Variants in GRAMD1B observed in about 807,000 individuals in gnomAD.
The protein encoded by GRAMD1B is protein Aster-B.
A neutral mutation model predicts 99.7 loss-of-function variants in GRAMD1B; 37 were observed. The ratio of observed to expected loss-of-function variants is 0.37; its 90% CI spans 0.29 to 0.49. GRAMD1B has a LOEUF of 0.49. Among genes scored for constraint, GRAMD1B ranks in the 20% least tolerant of loss-of-function variants. The pLI is 0.98. For synonymous variants in GRAMD1B, 427 were observed against 387.6 expected (o/e 1.10, Z -1.19); for missense variants, 888 against 1,009.2 (o/e 0.88, Z 1.63).
intron 2 of GRAMD1B, among the ~76,000 whole-genome samples, chr11:123,548,388 C>CA (rs1945293942): frequency 6.9e-5 from 8 of 116,308 alleles, no homozygotes; most frequent in African/African-American, 2.8e-4. Context: ...ACACACACAC[C>CA]CAGACAGGAC....
chr11:123,504,298 C>G (rs1038945762), intron 2 of GRAMD1B, among the ~76,000 whole-genome samples: 11 of 152,224 alleles, frequency 7.2e-5, no homozygotes, highest in Non-Finnish European at 1.2e-4. Flanking sequence ...TCCACTTTGT[C>G]CAGCCCGCAA....
chr11:123,575,103 C>T (rs927400903), intron 2 of GRAMD1B, among the ~76,000 whole-genome samples: 2 of 151,930 alleles, frequency 1.3e-5, no homozygotes, highest in Admixed American at 6.6e-5. Flanking sequence ...GACTGCTGGG[C>T]GGTGAGGAGT....
intron 4 of GRAMD1B, among the ~76,000 whole-genome samples, chr11:123,586,156 C>T (rs1399161323): frequency 6.6e-6 from 1 of 152,162 alleles, no homozygotes; most frequent in Non-Finnish European, 1.5e-5. Flanking sequence ...CAGATGCTGT[C>T]TCTTGGCTGG....
chr11:123,441,186 G>A (rs1165322990), intron 1 of GRAMD1B, among the ~76,000 whole-genome samples: 2 of 152,152 alleles, frequency 1.3e-5, no homozygotes, highest in East Asian at 1.9e-4. Context: ...AGAAAGAGAG[G>A]TAGGGGTGTC....
At chr11:123,621,508 C>T (rs370260209) in intron 19 of GRAMD1B, among the ~76,000 whole-genome samples, 1 of 152,128 alleles carries the variant, frequency 6.6e-6, no homozygotes, top group Non-Finnish European at 1.5e-5. Flanking sequence ...AACCAAGCAA[C>T]GAAAGATGAC....
Position 123,587,927 on chromosome 11 carries a change from C to T in GRAMD1B, c.684+3595C>T, listed in dbSNP as rs1054153666. 2.0e-5 allele frequency among the ~76,000 whole-genome samples: 3 copies of T among 152,058 alleles called. No homozygotes were observed. Among genetic ancestry groups the T allele is most frequent in the Admixed American group, 6.5e-5 (1 of 15,268 alleles). ...GCTCCTCCTCCTCTGTCTGTCTCCC[C>T]TCTCTATTTACTCCCAACTTGAAGG... On this transcript the variant is annotated intron_variant, in intron 4 of 19. Coordinates refer to ENST00000635736, the MANE Select transcript of GRAMD1B (RefSeq NM_001387025.1). The surrounding 1 kb of genome is among the most constrained non-coding windows in gnomAD (Gnocchi z 4.2).
chr11:123,471,516 C>T lies in GRAMD1B; in HGVS notation c.375-9300C>T, dbSNP rs896802163. 3.3e-5 allele frequency among the ~76,000 whole-genome samples: 5 copies of T among 152,246 alleles called. No homozygotes were observed. The East Asian group carries it at 5.8e-4, about 18-fold the overall frequency. On this transcript the variant is annotated intron_variant, in intron 1 of 19. Transcript: ENST00000635736. The stretch of plus-strand genomic sequence containing the variant: ...AAAAAGAAGTGAAAGTAGGACAAAA[C>T]GCAAGAAACAGGGGAGAGTAATGCC...
Position 123,619,153 on chromosome 11 carries a change from C to A in GRAMD1B, c.2473C>A (p.Gln825Lys). 2 of 1,571,068 alleles carry A rather than the reference C, an allele frequency of 1.3e-6. No homozygotes were observed. The highest frequency in any genetic ancestry group is 1.9e-5 in the Admixed American group (1 of 53,616). ...TEWAQLLESQ[Q>K]KYHDTELQKW... is the part of the protein sequence containing the mutation. ...ATGGGCCCAGCTCTTAGAGTCCCAACAAAAGTACCACGATACTGAGCTCCA... is the reference window on the plus strand; with the variant it reads ...ATGGGCCCAGCTCTTAGAGTCCCAAAAAAAGTACCACGATACTGAGCTCCA... Residue 825 changes from glutamine (Q) to lysine (K), a missense_variant, in exon 19 of 20, where the codon CAA becomes AAA. By Grantham distance (53) the Gln-to-Lys change is moderately conservative. Transcript: ENST00000635736.
chr11:123,388,508 A>G (rs1680366758), intron 1 of GRAMD1B, among the ~76,000 whole-genome samples: 1 of 152,040 alleles, frequency 6.6e-6, no homozygotes, highest in South Asian at 2.1e-4. Flanking sequence ...CCCCGTCTCT[A>G]CAAAAAAGCA....
intron 1 of GRAMD1B, among the ~76,000 whole-genome samples, chr11:123,363,180 G>T (rs1241821227): frequency 1.3e-5 from 2 of 152,120 alleles, no homozygotes; most frequent in Non-Finnish European, 2.9e-5. Context: ...TGGTTTTTGT[G>T]CTTTGGAGGC....
intron 1 of GRAMD1B, among the ~76,000 whole-genome samples, chr11:123,390,256 A>AG (rs992910614): frequency 1.3e-5 from 2 of 152,264 alleles, no homozygotes; most frequent in African/African-American, 4.8e-5. Flanking sequence ...CATGATATTA[A>AG]GTGGAAGTCC....
chr11:123,440,093 G>A (rs1251008174), intron 1 of GRAMD1B, among the ~76,000 whole-genome samples: 1 of 152,200 alleles, frequency 6.6e-6, no homozygotes, highest in Non-Finnish European at 1.5e-5. Flanking sequence ...TGGATGGTTA[G>A]TTTAGTGACA....
At chr11:123,518,412 T>A (rs1476634155) in intron 2 of GRAMD1B, among the ~76,000 whole-genome samples, 1 of 152,120 alleles carries the variant, frequency 6.6e-6, no homozygotes, top group Admixed American at 6.5e-5. Flanking sequence ...GGGATATCGA[T>A]GGCTGCTTAA....
chr11:123,480,972 C>T, intron 2 of GRAMD1B, 79 bp downstream of exon 2: 1 of 398,044 alleles, frequency 2.5e-6, no homozygotes, highest in Non-Finnish European at 4.4e-6. Flanking sequence ...GATTGTGCCT[C>T]TGCTCTGTGC....
chr11:123,604,659 G>C (rs935140998), intron 9 of GRAMD1B, among the ~76,000 whole-genome samples: 2 of 152,186 alleles, frequency 1.3e-5, no homozygotes, highest in Non-Finnish European at 1.5e-5. Context: ...TACCCATTTG[G>C]TTATCTCCAA....
At chr11:123,570,428 T>C (rs1236886587) in intron 2 of GRAMD1B, among the ~76,000 whole-genome samples, 7 of 148,408 alleles carry the variant, frequency 4.7e-5, no homozygotes, top group African/African-American at 5.0e-5. Context: ...TTTCTTTTTT[T>C]TTTTTTTTTT....
At chr11:123,358,758 C>G (rs562338925) in exon 1 of GRAMD1B, 43 of 152,840 alleles carry the variant, frequency 2.8e-4, no homozygotes, top group South Asian at 1.7e-3. Flanking sequence ...GCCGCGCGCC[C>G]GAACCGGGTG....
At chr11:123,478,094 TTC>T (rs1445061366) in intron 1 of GRAMD1B, among the ~76,000 whole-genome samples, 1 of 152,062 alleles carries the variant, frequency 6.6e-6, no homozygotes, top group Non-Finnish European at 1.5e-5. Flanking sequence ...ACCCAGCCTC[TTC>T]TCTTTTTCTT....
At chr11:123,412,567 A>G (rs1013480871) in intron 1 of GRAMD1B, among the ~76,000 whole-genome samples, 1 of 151,852 alleles carries the variant, frequency 6.6e-6, no homozygotes, top group African/African-American at 2.4e-5. Context: ...AAACTACAAC[A>G]CTCTTAGGAG....
Sources: allele counts gnomAD v4.1 joint callset (sites outside exome capture counted in the v4.1 genomes callset), GRCh38; gene constraint gnomAD v4.1.1; non-coding constraint Gnocchi (gnomAD v3.1); transcripts MANE v1.5; gene names NCBI Gene and HGNC (gene_info 2026-07-23, HGNC 2026-07-21).